AKR1B10: variants seen among roughly 807,000 people sequenced by gnomAD.
The protein encoded by AKR1B10 is ARP.
AKR1B10 carries 39 observed loss-of-function variants against 38.9 expected under a neutral mutation model. The observed-to-expected ratio is 1.00, with a 90% confidence interval of 0.78 to 1.31. The LOEUF (loss-of-function observed/expected upper bound fraction) is 1.31, where lower values mean the gene tolerates loss of function less well. Ranked by LOEUF, AKR1B10 falls within the 50% of genes most tolerant of loss-of-function variation. The pLI is 0.00. For synonymous variants in AKR1B10, 148 were observed against 141.2 expected, an observed-to-expected ratio of 1.05 and a Z score of -0.34; for missense variants, 361 against 382.6, an observed-to-expected ratio of 0.94 and a Z score of 0.47.
At position 134,527,727 on chromosome 7, in the gene AKR1B10, T is replaced by A; in HGVS notation, c.-185T>A. The A allele has an allele frequency of 4.9e-5, 23 of 470,568 alleles. No individual in the cohort carries two copies. The highest frequency in any genetic ancestry group is 2.0e-4 in the South Asian group (4 of 19,704). The allele number at this position is 470,568 out of a possible 1,614,324, so 29.1% of individuals were successfully genotyped here. ...TGGGAGTCACGGTGGGCGCCTGTAA[T>A]CCCAGCTACTCGGGAGGCTGAGGCA... On this transcript the variant is annotated 5_prime_UTR_variant, in exon 1 of 10. Transcript: ENST00000359579.
chr7:134,539,946 G>A (rs1266474988), intron 9 of AKR1B10, among the ~76,000 whole-genome samples: 8 of 152,010 alleles, frequency 5.3e-5, no homozygotes, highest in Admixed American at 2.0e-4. Context: ...AAATGATTTC[G>A]GCTGGGCGTG....
chr7:134,528,060 C>T, intron 1 of AKR1B10, 83 bp downstream of exon 1: 1 of 1,551,246 alleles, frequency 6.4e-7, no homozygotes, highest in Non-Finnish European at 8.8e-7. Flanking sequence ...CCAGGAAAGC[C>T]TGGAGGTCGG....
At chr7:134,534,528 G>T (rs1429694750) in intron 4 of AKR1B10, among the ~76,000 whole-genome samples, 1 of 152,172 alleles carries the variant, frequency 6.6e-6, no homozygotes, top group African/African-American at 2.4e-5. Context: ...TTTTTTGAAT[G>T]AATACAAGAA....
chr7:134,535,798 C>G (rs994642817), intron 4 of AKR1B10: 2 of 661,246 alleles, frequency 3.0e-6, no homozygotes, highest in African/African-American at 4.0e-5. Flanking sequence ...ATAAGAATCC[C>G]AGAAAAAGGG....
chr7:134,528,737 G>T (rs1260492363), intron 1 of AKR1B10, among the ~76,000 whole-genome samples: 1 of 151,554 alleles, frequency 6.6e-6, no homozygotes, highest in Non-Finnish European at 1.5e-5. Context: ...AAGAAAGAGA[G>T]AAAGAGAGAG....
chr7:134,537,908 A>G (rs1424816367), intron 7 of AKR1B10, among the ~76,000 whole-genome samples: 2 of 151,720 alleles, frequency 1.3e-5, no homozygotes, highest in Non-Finnish European at 2.9e-5. Context: ...ATGGCTTTGG[A>G]GTCTAGGGAT....
chr7:134,538,580 C>T (rs1429788904), intron 8 of AKR1B10, among the ~76,000 whole-genome samples: 2 of 152,184 alleles, frequency 1.3e-5, no homozygotes, highest in African/African-American at 4.8e-5. Context: ...CACACAAGAA[C>T]AGACTGTCCT....
chr7:134,537,785 G>T (rs1444845885), intron 7 of AKR1B10, 124 bp downstream of exon 7: 21 of 1,199,954 alleles, frequency 1.8e-5, no homozygotes, highest in Non-Finnish European at 2.1e-5. Flanking sequence ...GCCCTCTAAA[G>T]TGTTTCCTTT....
intron 4 of AKR1B10, chr7:134,535,713 T>A: frequency 1.0e-6 from 1 of 982,256 alleles, no homozygotes; most frequent in Non-Finnish European, 1.2e-6. Flanking sequence ...TATGCCGCTG[T>A]GATGTTATCT....
chr7:134,535,021 C>T (rs1807958386), intron 4 of AKR1B10, among the ~76,000 whole-genome samples: 1 of 152,016 alleles, frequency 6.6e-6, no homozygotes, highest in Non-Finnish European at 1.5e-5. Context: ...GAGTCTCTCT[C>T]TGTTGCCCAG....
chr7:134,539,165 T>C (rs1808086839), intron 9 of AKR1B10, 148 bp downstream of exon 9: 1 of 832,538 alleles, frequency 1.2e-6, no homozygotes, highest in Admixed American at 2.4e-5. Context: ...TTGGGGTACC[T>C]GGGAATCACT....
At chr7:134,539,267 A>T (rs1209793584) in intron 9 of AKR1B10, among the ~76,000 whole-genome samples, 1 of 152,146 alleles carries the variant, frequency 6.6e-6, no homozygotes, top group Non-Finnish European at 1.5e-5. Flanking sequence ...AATAGGCGGG[A>T]GGCAGAACAT....
At chr7:134,536,539 A>G in intron 4 of AKR1B10, 111 bp from the exon 5 acceptor site, 1 of 1,484,304 alleles carries the variant, frequency 6.7e-7, no homozygotes. Flanking sequence ...GCTTCGGCTA[A>G]CCCTGTTACG....
intron 7 of AKR1B10, 103 bp downstream of exon 7, chr7:134,537,764 T>C (rs186379646): frequency 2.1e-5 from 29 of 1,399,338 alleles, no homozygotes; most frequent in East Asian, 1.9e-4. Context: ...GGGAAGAATA[T>C]AGGAGCTGAA....
chr7:134,532,085 G>C, intron 3 of AKR1B10, 61 bp downstream of exon 3: 1 of 1,594,690 alleles, frequency 6.3e-7, no homozygotes, highest in African/African-American at 1.3e-5. Context: ...AATAGTAGCT[G>C]CACCAGGGCT....
chr7:134,539,751 C>CT (rs1226980021), intron 9 of AKR1B10, among the ~76,000 whole-genome samples: 1 of 152,140 alleles, frequency 6.6e-6, no homozygotes, highest in Non-Finnish European at 1.5e-5. Flanking sequence ...TGAAAAAAAG[C>CT]TTTCACTCTG....
At chr7:134,535,057 G>C (rs954700915) in intron 4 of AKR1B10, among the ~76,000 whole-genome samples, 1 of 151,986 alleles carries the variant, frequency 6.6e-6, no homozygotes, top group Non-Finnish European at 1.5e-5. Flanking sequence ...CATCATCATA[G>C]TTTAGTGCAG....
chr7:134,535,303 G>A (rs1807965890), intron 4 of AKR1B10, among the ~76,000 whole-genome samples: 1 of 151,976 alleles, frequency 6.6e-6, no homozygotes, highest in Admixed American at 6.6e-5. Flanking sequence ...AGAAGAGAAA[G>A]CTAAGGCCTA....
Position 134,535,608 on chromosome 7 carries a change from T to TTTTTTTG in AKR1B10, c.430-1042_430-1041insTTTTTTG, listed in dbSNP as rs1554396830. The stretch of plus-strand genomic sequence containing the variant: ...GTCTTTTTTTTTTTTTTTTTTTTTT[T>TTTTTTTG]CTTTTGAGGCCCAGCTTATACTCTA... On this transcript the variant is annotated intron_variant, in intron 4 of 9. Transcript: ENST00000359579. The TTTTTTTG allele has an allele frequency of 1.4e-5, 12 of 881,258 alleles. No homozygotes were observed. The Admixed American group carries it at 6.1e-4, about 45-fold the overall frequency. The allele number at this position is 881,258 out of a possible 1,614,324, so 54.6% of individuals were successfully genotyped here. A position where few individuals can be genotyped will look rare whatever the true frequency, so the allele number is the denominator to read the frequency against.
Sources: gnomAD v4.1 joint callset for allele counts (sites outside exome capture counted in the v4.1 genomes callset) on GRCh38, gnomAD v4.1.1 for gene constraint, MANE v1.5 for transcripts, NCBI Gene and HGNC (gene_info 2026-07-23, HGNC 2026-07-21) for gene names.